TGM1: variants seen among roughly 807,000 people sequenced by gnomAD.
The protein encoded by TGM1 is transglutaminase 1.
A neutral mutation model predicts 88.7 loss-of-function variants in TGM1; 63 were observed. That is an observed-to-expected ratio of 0.71 (90% confidence interval 0.58 to 0.88). The LOEUF (loss-of-function observed/expected upper bound fraction) is 0.88. Among genes scored for constraint, TGM1 ranks in the 40% least tolerant of loss-of-function variants. The probability of loss-of-function intolerance (pLI) is 0.00; values close to 1 mark genes in which losing one functional copy is unlikely to be tolerated. For missense variants in TGM1, 996 were observed against 1,118.0 expected, an observed-to-expected ratio of 0.89 and a Z score of 1.56; for synonymous variants, 415 against 431.1, an observed-to-expected ratio of 0.96 and a Z score of 0.46.
chr14:24,256,350 G>C lies in TGM1; in HGVS notation c.1403-273C>G, dbSNP rs3783442. ...CCCAGGCTGCTCTGCTGGAGGATGG[G>C]GGCAGGGTACAGATGTGCGGACCAG... On this transcript the variant is annotated intron_variant, in intron 9 of 14. Transcript: ENST00000206765. Among the ~76,000 whole-genome samples the C allele has an allele frequency of 0.063, 9,624 of 152,276 alleles. 587 individuals are homozygous for C. The highest frequency in any genetic ancestry group is 0.25 in the East Asian group (1,299 of 5,168).
intron 14 of TGM1, among the ~76,000 whole-genome samples, chr14:24,253,762 G>A (rs1343306083): frequency 6.6e-6 from 1 of 152,208 alleles, no homozygotes; most frequent in Non-Finnish European, 1.5e-5. Context: ...GATTACAGGT[G>A]TGAGCCACCA....
At chr14:24,256,603 G>T (rs142367345) in intron 9 of TGM1, among the ~76,000 whole-genome samples, 233 of 152,318 alleles carry the variant, frequency 1.5e-3, no homozygotes, top group African/African-American at 5.4e-3. Context: ...CTTTCTACTG[G>T]GGGGAGCTGG....
chr14:24,249,928 G>C (rs1470094016), intron 14 of TGM1, among the ~76,000 whole-genome samples: 2 of 152,120 alleles, frequency 1.3e-5, no homozygotes, highest in Non-Finnish European at 2.9e-5. Flanking sequence ...TTCAAAATGA[G>C]ACTTTGGGGG....
intron 13 of TGM1, 117 bp downstream of exon 13, chr14:24,254,547 T>C: frequency 6.6e-7 from 1 of 1,526,702 alleles, no homozygotes; most frequent in Non-Finnish European, 9.0e-7. Context: ...TCCTTGACCT[T>C]CTCCTACAAA....
intron 9 of TGM1, among the ~76,000 whole-genome samples, chr14:24,256,487 CCA>C (rs2040752737): frequency 6.6e-6 from 1 of 152,202 alleles, no homozygotes; most frequent in Non-Finnish European, 1.5e-5. Flanking sequence ...CATAACCAAC[CCA>C]GAGTCCACAG....
rs2040744709 is a variant in TGM1, at chr14:24,255,651, G to C, written c.1492-134C>G. The C allele has an allele frequency of 8.1e-7, 1 of 1,230,990 alleles. No individual in the cohort carries two copies. Among genetic ancestry groups the C allele is most frequent in the East Asian group, 2.4e-5 (1 of 41,632 alleles). The allele number at this position is 1,230,990 out of a possible 1,614,324, so 76.3% of individuals were successfully genotyped here. A position where few individuals can be genotyped will look rare whatever the true frequency, so the allele number is the denominator to read the frequency against. ...CCAAGGGTGGGAGCTTCCTGGCAGA[G>C]CCCAAGGGGAGACTTTCCAAGACGA... is the stretch of plus-strand genomic sequence containing the variant. On this transcript the variant is annotated intron_variant, in intron 10 of 14. Transcript: ENST00000206765. The surrounding 1 kb of genome is among the most constrained non-coding windows in gnomAD (Gnocchi z 4.0).
intron 12 of TGM1, 41 bp downstream of exon 12, chr14:24,254,931 C>T (rs1331636219): frequency 6.2e-7 from 1 of 1,613,034 alleles, no homozygotes; most frequent in South Asian, 1.1e-5. Context: ...CCCTGAGGTG[C>T]CCAGCCATCC....
intron 9 of TGM1, among the ~76,000 whole-genome samples, chr14:24,256,612 G>T (rs1345886387): frequency 6.6e-6 from 1 of 152,204 alleles, no homozygotes; most frequent in Non-Finnish European, 1.5e-5. Context: ...GGGGGGAGCT[G>T]GTGGGAAATA....
chr14:24,260,625 T>C lies in TGM1; in HGVS notation c.582A>G (p.Lys194=), dbSNP rs1566380109. ...GCCCACTGGCCTTGACCACCTGGGCTTTCCAGCCTCCACTGCCCCCCTTGC... is the reference window on the plus strand; with the variant it reads ...GCCCACTGGCCTTGACCACCTGGGCCTTCCAGCCTCCACTGCCCCCCTTGC... ...PVGKGGSGGW[K]AQVVKASGQN... The change falls in exon 4 of 15, where the codon AAA becomes AAG. Residue 194 remains lysine (K), a synonymous_variant. Coordinates refer to ENST00000206765, the MANE Select transcript of TGM1 (RefSeq NM_000359.3). The C allele has an allele frequency of 6.2e-7, 1 of 1,614,190 alleles. No homozygotes were observed. Among genetic ancestry groups the C allele is most frequent in the South Asian group, 1.1e-5 (1 of 91,080 alleles).
At position 24,260,006 on chromosome 14, in the gene TGM1, A is replaced by G. The variant is rs1162290281; in HGVS notation, c.810T>C (p.Asn270=). 2.5e-6 allele frequency: 4 copies of G among 1,613,530 alleles called. No individual in the cohort carries two copies. Among genetic ancestry groups the G allele is most frequent in the South Asian group, 2.2e-5 (2 of 91,064 alleles). ...HEDWRQEYVL[N]ESGRIYYGTE... is the part of the protein sequence containing the mutation. ...TCCCGTAGTAAATTCTCCCAGACTC[A>G]TTAAGAACATACTCCTGCCGCCAAT... The change falls in exon 5 of 15, where the codon AAT becomes AAC. Residue 270 remains asparagine (N), a synonymous_variant. Coordinates refer to ENST00000206765, the MANE Select transcript of TGM1 (RefSeq NM_000359.3).
At position 24,259,260 on chromosome 14, in the gene TGM1, C is replaced by T; in HGVS notation, c.985-11G>A. 1 of 1,609,466 alleles carries T rather than the reference C, an allele frequency of 6.2e-7. No individual in the cohort carries two copies. Among genetic ancestry groups the T allele is most frequent in the Non-Finnish European group, 8.5e-7 (1 of 1,177,886 alleles). ...ATCCAGGGAGTTCACCTGCCCAGGA[C>T]AGGATGAGATAGGGCGGAGGTGGAG... is the stretch of plus-strand genomic sequence containing the variant. On this transcript the variant is annotated splice_polypyrimidine_tract_variant and intron_variant, in intron 6 of 14. Transcript: ENST00000206765. The surrounding 1 kb of genome is among the most constrained non-coding windows in gnomAD (Gnocchi z 5.7).
intron 12 of TGM1, 21 bp from the exon 13 acceptor site, chr14:24,254,845 G>A (rs563579573): frequency 3.0e-5 from 49 of 1,613,388 alleles, no homozygotes; most frequent in Middle Eastern, 1.6e-4. Flanking sequence ...GAGGCATGGC[G>A]TCACTGAGGC....
chr14:24,260,337 G>A (rs919318924), intron 4 of TGM1, 113 bp downstream of exon 4: 303 of 1,520,138 alleles, frequency 2.0e-4, no homozygotes, highest in Non-Finnish European at 2.6e-4. Context: ...CCCAATGGGA[G>A]GCTGGCTTCT....
At position 24,259,104 on chromosome 14, in the gene TGM1, C is replaced by T; in HGVS notation, c.1130G>A (p.Cys377Tyr). The stretch of plus-strand genomic sequence containing the variant: ...GGTGGTCACGCCAGCAAAGACCCAG[C>T]ACTGGCCATAGGGGACGGAATATCC... Reference protein sequence around the residue: ...RTGYSVPYGQCWVFAGVTTTV... With the variant: ...RTGYSVPYGQYWVFAGVTTTV... Residue 377 changes from cysteine to tyrosine, a missense_variant, in exon 7 of 15, where the codon TGC becomes TAC. Physicochemically the swap from Cys to Tyr is radical, Grantham distance 194. Transcript: ENST00000206765. The surrounding 1 kb of genome is among the most constrained non-coding windows in gnomAD (Gnocchi z 5.7). 6.2e-7 allele frequency: 1 copy of T among 1,614,144 alleles called. No homozygotes were observed.
At chr14:24,250,374 G>A (rs1052518013) in intron 14 of TGM1, among the ~76,000 whole-genome samples, 1 of 152,066 alleles carries the variant, frequency 6.6e-6, no homozygotes, top group African/African-American at 2.4e-5. Flanking sequence ...CCACTCAGAG[G>A]TGAACTAAAT....
Position 24,254,810 on chromosome 14 carries a change from T to C in TGM1, c.1942A>G (p.Met648Val). 1 of 1,613,874 alleles carries C rather than the reference T, an allele frequency of 6.2e-7. No individual in the cohort carries two copies. Among genetic ancestry groups the C allele is most frequent in the African/African-American group, 1.3e-5 (1 of 75,056 alleles). ...LAPGASDRVT[M>V]PVAYKEYRPH... ...CGGTATTCCTTGTAGGCCACTGGCA[T>C]GGTCACACGGTCCGCTGTGGAGAAG... The change falls in exon 13 of 15, where the codon ATG becomes GTG. Residue 648 changes from methionine (M) to valine (V), a missense_variant. Physicochemically the swap from Met to Val is conservative, Grantham distance 21 (BLOSUM62 1). Coordinates refer to ENST00000206765, the MANE Select transcript of TGM1 (RefSeq NM_000359.3).
intron 14 of TGM1, among the ~76,000 whole-genome samples, chr14:24,253,692 G>A (rs916164222): frequency 1.3e-5 from 2 of 152,150 alleles, no homozygotes; most frequent in African/African-American, 4.8e-5. Flanking sequence ...ATGTTGCCCA[G>A]GCTGGTCTCC....
At chr14:24,256,706 A>G (rs184283625) in intron 9 of TGM1, among the ~76,000 whole-genome samples, 1 of 152,336 alleles carries the variant, frequency 6.6e-6, no homozygotes, top group East Asian at 1.9e-4. Flanking sequence ...ACAGAGTGGT[A>G]AGTGAGTACC....
At chr14:24,260,329 C>G in intron 4 of TGM1, 121 bp downstream of exon 4, 1 of 1,486,144 alleles carries the variant, frequency 6.7e-7, no homozygotes, top group African/African-American at 1.4e-5. Context: ...CTCATCTGCC[C>G]AATGGGAGGC....
Sources: gnomAD v4.1 joint callset for allele counts (sites outside exome capture counted in the v4.1 genomes callset) on GRCh38, gnomAD v4.1.1 for gene constraint, Gnocchi (gnomAD v3.1) non-coding constraint, MANE v1.5 for transcripts, NCBI Gene and HGNC (gene_info 2026-07-23, HGNC 2026-07-21) for gene names.